The following METTL15 variants were observed in gnomAD, a reference collection of about 807,000 sequenced individuals.
The protein encoded by METTL15 is 12S rRNA N(4)-cytidine methyltransferase METTL15.
A neutral mutation model predicts 38.3 loss-of-function variants in METTL15; 34 were observed. That is an observed-to-expected ratio of 0.89 (90% confidence interval 0.68 to 1.18). METTL15 has a LOEUF of 1.18. Among genes scored for constraint, METTL15 ranks in the 50% most tolerant of loss-of-function variants. The pLI is 0.00. For missense variants in METTL15, 438 were observed against 498.4 expected, an observed-to-expected ratio of 0.88 and a Z score of 1.15; for synonymous variants, 162 against 170.9, an observed-to-expected ratio of 0.95 and a Z score of 0.41.
intron 3 of METTL15, among the ~76,000 whole-genome samples, chr11:28,147,872 A>G (rs191004372): frequency 4.0e-4 from 61 of 151,910 alleles, no homozygotes; most frequent in Admixed American, 3.8e-3. Context: ...TTACTTACCT[A>G]GTTTTCAAAG....
intron 3 of METTL15, among the ~76,000 whole-genome samples, chr11:28,174,896 G>A (rs1043123444): frequency 6.7e-6 from 1 of 149,368 alleles, no homozygotes; most frequent in African/African-American, 2.4e-5. Flanking sequence ...TCTATGTATT[G>A]AAGATTTTCT....
chr11:28,432,287 T>C (rs1850939136), intron 6 of METTL15, among the ~76,000 whole-genome samples: 1 of 152,230 alleles, frequency 6.6e-6, no homozygotes, highest in African/African-American at 2.4e-5. Context: ...TTCATGATAT[T>C]CTGGTAGTTC....
At chr11:28,115,952 A>ACG (rs944457980) in intron 3 of METTL15, among the ~76,000 whole-genome samples, 4 of 151,318 alleles carry the variant, frequency 2.6e-5, no homozygotes, top group African/African-American at 7.3e-5. Context: ...ACACACACAC[A>ACG]CACACACACA....
intron 4 of METTL15, among the ~76,000 whole-genome samples, chr11:28,285,490 A>G (rs551777172): frequency 1.3e-4 from 20 of 152,252 alleles, no homozygotes; most frequent in Admixed American, 2.6e-4. Flanking sequence ...TTTGGAGTAA[A>G]GAAGACTTAA....
chr11:28,268,744 A>G (rs1243180799), intron 4 of METTL15, among the ~76,000 whole-genome samples: 1 of 152,034 alleles, frequency 6.6e-6, no homozygotes, highest in East Asian at 1.9e-4. Context: ...CATTTTTTGC[A>G]TTCTGTAGAC....
chr11:28,471,464 A>G (rs949829548), intron 6 of METTL15, among the ~76,000 whole-genome samples: 5 of 152,134 alleles, frequency 3.3e-5, no homozygotes, highest in African/African-American at 1.2e-4. Flanking sequence ...ATCTGAATCA[A>G]TAGAATAACT....
chr11:28,162,762 G>T (rs1448172897), intron 3 of METTL15, among the ~76,000 whole-genome samples: 3 of 152,034 alleles, frequency 2.0e-5, no homozygotes, highest in Non-Finnish European at 4.4e-5. Flanking sequence ...AAATTATTTT[G>T]TAATAATATA....
chr11:28,204,435 C>CTTTTTTT (rs59729387), intron 3 of METTL15, among the ~76,000 whole-genome samples: 5 of 79,340 alleles, frequency 6.3e-5, no homozygotes, highest in Non-Finnish European at 8.9e-5. Context: ...CTGAGTTTTC[C>CTTTTTTT]TTTTTTTTTT....
chr11:28,482,909 C>T (rs1272961398), intron 6 of METTL15, among the ~76,000 whole-genome samples: 2 of 152,144 alleles, frequency 1.3e-5, no homozygotes, highest in Non-Finnish European at 2.9e-5. Context: ...ATCTCAGCCC[C>T]AACTTCAAAC....
chr11:28,163,529 ATC>A (rs756098921), intron 3 of METTL15: 14,317 of 265,308 alleles, frequency 0.054, no homozygotes, highest in Middle Eastern at 0.087. Context: ...CTTCTTACTG[ATC>A]TCTCTCTCTC....
At chr11:28,223,121 A>G (rs1477167094) in intron 4 of METTL15, among the ~76,000 whole-genome samples, 3 of 152,178 alleles carry the variant, frequency 2.0e-5, no homozygotes, top group Non-Finnish European at 4.4e-5. Context: ...AAGTAAAAGA[A>G]TATCTAAGGA....
At chr11:28,237,856 G>T (rs528491967) in intron 4 of METTL15, among the ~76,000 whole-genome samples, 1 of 152,312 alleles carries the variant, frequency 6.6e-6, no homozygotes, top group East Asian at 1.9e-4. Flanking sequence ...GTTGGAGTTT[G>T]CTAGAGGTCC....
At chr11:28,511,156 T>C (rs938303274) in intron 6 of METTL15, among the ~76,000 whole-genome samples, 3 of 152,200 alleles carry the variant, frequency 2.0e-5, no homozygotes, top group Admixed American at 6.5e-5. Flanking sequence ...AAGGATGGTA[T>C]AGTTGACCCT....
intron 4 of METTL15, among the ~76,000 whole-genome samples, chr11:28,270,795 A>C (rs1248495898): frequency 6.6e-6 from 1 of 152,206 alleles, no homozygotes; most frequent in Non-Finnish European, 1.5e-5. Context: ...CTGCAGGGGT[A>C]GTATGGCATA....
intron 6 of METTL15, chr11:28,477,472 T>C (rs1378087109): frequency 6.6e-6 from 1 of 152,164 alleles, no homozygotes; most frequent in Admixed American, 6.5e-5. Context: ...ATTTTTATTC[T>C]TGAATATCTG....
rs940254180 is a variant in METTL15 at position 28,249,445 on chromosome 11, G to A, written c.407+38247G>A. 5.3e-5 allele frequency among the ~76,000 whole-genome samples: 8 copies of A among 151,854 alleles called. No individual in the cohort carries two copies. In the South Asian group the frequency reaches 6.2e-4, roughly 12 times the overall value. ...TATGTTTACTCCAGTGACTCAACCC[G>A]ATACTATATTATAATATGTAAATAT... On this transcript the variant is annotated intron_variant, in intron 4 of 6. Coordinates refer to ENST00000407364, the MANE Select transcript of METTL15 (RefSeq NM_001113528.2).
chr11:28,313,109 A>G (rs1429133669), intron 6 of METTL15, among the ~76,000 whole-genome samples: 1 of 152,070 alleles, frequency 6.6e-6, no homozygotes, highest in African/African-American at 2.4e-5. Context: ...TTCAGATTCC[A>G]TCTCTACCAT....
At chr11:28,384,702 T>G (rs184983587) in intron 5 of METTL15, among the ~76,000 whole-genome samples, 12 of 152,298 alleles carry the variant, frequency 7.9e-5, no homozygotes, top group Admixed American at 7.8e-4. Context: ...TTTTTAGGTC[T>G]TTGAGGAGTT....
intron 6 of METTL15, chr11:28,516,890 G>A (rs1564953966): frequency 1.3e-5 from 2 of 152,202 alleles, no homozygotes; most frequent in Admixed American, 1.3e-4. Flanking sequence ...GTGATTTGGA[G>A]GAAATTAATG....
Sources: gnomAD v4.1 joint callset for allele counts (sites outside exome capture counted in the v4.1 genomes callset) on GRCh38, gnomAD v4.1.1 for gene constraint, MANE v1.5 for transcripts, NCBI Gene and HGNC (gene_info 2026-07-23, HGNC 2026-07-21) for gene names.